Variants in NDUFA5 observed in about 807,000 individuals in gnomAD.
NDUFA5 encodes the protein NADH dehydrogenase [ubiquinone] 1 alpha subcomplex subunit 5.
A neutral mutation model predicts 19.8 loss-of-function variants in NDUFA5; 11 were observed. The observed-to-expected ratio is 0.56, with a 90% confidence interval of 0.35 to 0.92. The LOEUF (loss-of-function observed/expected upper bound fraction) is 0.92, where lower values mean the gene tolerates loss of function less well. NDUFA5 is among the 40% of genes least tolerant of loss of function. The probability of loss-of-function intolerance (pLI) is 0.01; values close to 1 mark genes in which losing one functional copy is unlikely to be tolerated. For missense variants in NDUFA5, 109 were observed against 134.2 expected (o/e 0.81, Z 0.93); for synonymous variants, 47 against 46.8 (o/e 1.00, Z -0.01).
chr7:123,543,580 AATATACTAC>A (rs1378425996), intron 4 of NDUFA5, among the ~76,000 whole-genome samples: 2 of 152,334 alleles, frequency 1.3e-5, no homozygotes, highest in African/African-American at 4.8e-5. Flanking sequence ...ATATTTAAAT[AATATACTAC>A]ATATACTGAG....
chr7:123,593,285 T>C, the NDUFA5 span, among the ~76,000 whole-genome samples: 1 of 152,188 alleles, frequency 6.6e-6, no homozygotes, highest in African/African-American at 2.4e-5. Context: ...AAGGTTAATA[T>C]TGTTATGTGT....
chr7:123,564,821 G>A, the NDUFA5 span, among the ~76,000 whole-genome samples: 1 of 150,924 alleles, frequency 6.6e-6, no homozygotes, highest in Non-Finnish European at 1.5e-5. Flanking sequence ...ATGGATTTTT[G>A]ACTTATGATA....
At chr7:123,581,571 A>T in the NDUFA5 span, among the ~76,000 whole-genome samples, 1 of 152,018 alleles carries the variant, frequency 6.6e-6, no homozygotes, top group African/African-American at 2.4e-5. Flanking sequence ...GCTTTGCTAC[A>T]TATTAGGTTT....
the NDUFA5 span, among the ~76,000 whole-genome samples, chr7:123,581,122 C>T: frequency 6.6e-6 from 1 of 151,846 alleles, no homozygotes. Flanking sequence ...TGTGTCCCAC[C>T]AACCTCCTTC....
At chr7:123,594,636 C>T in the NDUFA5 span, among the ~76,000 whole-genome samples, 1 of 152,234 alleles carries the variant, frequency 6.6e-6, no homozygotes, top group South Asian at 2.1e-4. Context: ...AATATTGCTG[C>T]CTGATCCATC....
At chr7:123,557,013 C>T (rs1238234810) in intron 2 of NDUFA5, 5 of 474,850 alleles carry the variant, frequency 1.1e-5, no homozygotes, top group African/African-American at 9.9e-5. Flanking sequence ...AAAGACCTAA[C>T]AGAAGGAAAA....
the NDUFA5 span, among the ~76,000 whole-genome samples, chr7:123,572,702 A>G: frequency 1.6e-5 from 2 of 125,930 alleles, no homozygotes; most frequent in East Asian, 2.3e-4. Flanking sequence ...TATTCACTCT[A>G]TCTCTTTTTT....
At chr7:123,564,299 ACT>A in the NDUFA5 span, among the ~76,000 whole-genome samples, 1 of 152,174 alleles carries the variant, frequency 6.6e-6, no homozygotes, top group Non-Finnish European at 1.5e-5. Flanking sequence ...TTATTAGTTT[ACT>A]TTTTTTATTC....
At chr7:123,572,004 T>C in the NDUFA5 span, among the ~76,000 whole-genome samples, 5 of 151,998 alleles carry the variant, frequency 3.3e-5, no homozygotes, top group Non-Finnish European at 5.9e-5. Flanking sequence ...CCCAGGCTAG[T>C]CTCAAATTCC....
At chr7:123,571,907 C>G in the NDUFA5 span, among the ~76,000 whole-genome samples, 6 of 151,928 alleles carry the variant, frequency 3.9e-5, no homozygotes, top group Non-Finnish European at 8.8e-5. Context: ...TGAGACCACA[C>G]CACAGGCATG....
intron 4 of NDUFA5, among the ~76,000 whole-genome samples, chr7:123,545,214 AAAAAT>A (rs1162896870): frequency 6.6e-6 from 1 of 152,126 alleles, no homozygotes; most frequent in Non-Finnish European, 1.5e-5. Flanking sequence ...AACCAAAAAT[AAAAAT>A]AAAAGTACAT....
chr7:123,541,539 A>C lies in NDUFA5; in HGVS notation c.*580T>G, dbSNP rs913535257. The stretch of plus-strand genomic sequence containing the variant: ...AAATGGTATAATTCAATAATGACTA[A>C]AATAAAATGACACTATGGATTTTGT... On this transcript the variant is annotated 3_prime_UTR_variant, in exon 5 of 5. Coordinates refer to ENST00000355749, the MANE Select transcript of NDUFA5 (RefSeq NM_005000.5). The C allele has an allele frequency of 4.6e-5, 7 of 152,204 alleles. No homozygotes were observed. The highest frequency in any genetic ancestry group is 1.4e-4 in the African/African-American group (6 of 41,470). 9.4% of individuals were successfully genotyped at this position (152,204 alleles called of 1,614,324 possible).
upstream of NDUFA5, among the ~76,000 whole-genome samples, chr7:123,561,724 A>C (rs138132607): frequency 0.065 from 9,949 of 152,050 alleles, 359 homozygotes; most frequent in Non-Finnish European, 0.08. Flanking sequence ...CAGCCTCCCG[A>C]GTAGCTGGAA....
At chr7:123,546,526 A>G (rs1798138968) in intron 3 of NDUFA5, 3 of 445,444 alleles carry the variant, frequency 6.7e-6, no homozygotes, top group South Asian at 6.4e-5. Context: ...ACATTTAGTT[A>G]TTTTCTAGTA....
chr7:123,578,482 A>G, the NDUFA5 span, among the ~76,000 whole-genome samples: 6 of 151,874 alleles, frequency 4.0e-5, no homozygotes, highest in Non-Finnish European at 8.8e-5. Flanking sequence ...TGTTTCCTCT[A>G]TACTTTTAGT....
chr7:123,551,543 A>C, intron 2 of NDUFA5: 1 of 975,034 alleles, frequency 1.0e-6, no homozygotes, highest in Non-Finnish European at 1.2e-6. Context: ...GAAGCACTGC[A>C]AATTTTTTTT....
Position 123,542,142 on chromosome 7 carries a change from C to A in NDUFA5, c.328G>T (p.Asp110Tyr), listed in dbSNP as rs778778581. 3.1e-6 allele frequency: 5 copies of A among 1,610,838 alleles called. No homozygotes were observed. In the South Asian group the frequency reaches 4.4e-5, roughly 14 times the overall value. ...AATTATATTGGCCATTTCCACTGATCGGCAGGAGGCTCTTCCACTAATGGC... is the reference window on the plus strand; with the variant it reads ...AATTATATTGGCCATTTCCACTGATAGGCAGGAGGCTCTTCCACTAATGGC... ...WEPLVEEPPA[D>Y]QWKWPI Residue 110 changes from aspartate to tyrosine, a missense_variant, in exon 5 of 5, where the codon GAT (aspartate) becomes TAT (tyrosine). Asp to Tyr is a radical substitution (Grantham distance 160). Coordinates refer to ENST00000355749, the MANE Select transcript of NDUFA5 (RefSeq NM_005000.5).
chr7:123,549,700 A>T (rs1201233481), intron 3 of NDUFA5, among the ~76,000 whole-genome samples: 4 of 152,118 alleles, frequency 2.6e-5, no homozygotes. Flanking sequence ...ATTGCTTGAG[A>T]CTGGCAGGTC....
rs904645085 is a variant in NDUFA5 at position 123,539,871 on chromosome 7, G to C, written c.*2248C>G. 9 of 152,228 alleles carry C rather than the reference G, an allele frequency of 5.9e-5. No individual in the cohort carries two copies. The highest frequency in any genetic ancestry group is 2.1e-4 in the South Asian group (1 of 4,838). 9.4% of individuals were successfully genotyped at this position (152,228 alleles called of 1,614,324 possible). Reference sequence around the variant, plus strand: ...ATAATTTTGACAGAAAAGGTAAAGAGAGCAGGATCTAGTTTCATTTGGTAC... The same window carrying C: ...ATAATTTTGACAGAAAAGGTAAAGACAGCAGGATCTAGTTTCATTTGGTAC... On this transcript the variant is annotated 3_prime_UTR_variant, in exon 5 of 5. Transcript: ENST00000355749.
Sources: allele counts gnomAD v4.1 joint callset (sites outside exome capture counted in the v4.1 genomes callset), GRCh38; gene constraint gnomAD v4.1.1; transcripts MANE v1.5; gene names NCBI Gene and HGNC (gene_info 2026-07-23, HGNC 2026-07-21).